OVGP1: variants seen among roughly 807,000 people sequenced by gnomAD.
The protein encoded by OVGP1 is oviduct-specific glycoprotein.
OVGP1 carries 26 observed loss-of-function variants against 48.2 expected under a neutral mutation model. That is an observed-to-expected ratio of 0.54 (90% CI 0.40 to 0.75). OVGP1 has a LOEUF of 0.75. Among genes scored for constraint, OVGP1 ranks in the 30% least tolerant of loss-of-function variants. The pLI is 0.00. For missense variants in OVGP1, 791 were observed against 820.6 expected (o/e 0.96, Z 0.44); for synonymous variants, 294 against 305.7 (o/e 0.96, Z 0.40).
chr1:111,417,283 C>T (rs1652159538), intron 9 of OVGP1, among the ~76,000 whole-genome samples: 1 of 152,184 alleles, frequency 6.6e-6, no homozygotes, highest in African/African-American at 2.4e-5. Context: ...CAGTAGAGCA[C>T]AAAATATTAT....
rs780934357 is a variant in OVGP1, at chr1:111,426,387, T to C, written c.260+50A>G. 4 of 1,612,420 alleles carry C rather than the reference T, an allele frequency of 2.5e-6. No homozygotes were observed. The East Asian group carries it at 8.9e-5, about 36-fold the overall frequency. Reference sequence around the variant, plus strand: ...TAACAGGAGAAATAGACTGTTATCTTATACCTGTGAAATCTGAAAATACAA... The same window carrying C: ...TAACAGGAGAAATAGACTGTTATCTCATACCTGTGAAATCTGAAAATACAA... On this transcript the variant is annotated intron_variant, in intron 3 of 10. Coordinates refer to ENST00000369732, the MANE Select transcript of OVGP1 (RefSeq NM_002557.4).
chr1:111,426,177 G>A (rs1034031743), intron 3 of OVGP1, among the ~76,000 whole-genome samples: 4 of 152,198 alleles, frequency 2.6e-5, no homozygotes, highest in East Asian at 1.9e-4. Context: ...CAAAGGCTGA[G>A]TTGGGTTTTG....
chr1:111,416,462 TA>T lies in OVGP1; in HGVS notation c.1021-5del, dbSNP rs570396103. The T allele has an allele frequency of 1.3e-3, 2,105 of 1,600,792 alleles. 13 individuals carry two copies. In the Middle Eastern group the frequency reaches 0.02, roughly 15 times the overall value. On this transcript the variant is annotated splice_region_variant and splice_polypyrimidine_tract_variant and intron_variant, in intron 9 of 10. Transcript: ENST00000369732. ...GCTCTCGCCTTATAAACCATGCCTG[TA>T]AAAGTAACAGTCAGTCAACCTGCTG... is the stretch of plus-strand genomic sequence containing the variant.
intron 5 of OVGP1, 21 bp downstream of exon 5, chr1:111,423,522 G>A (rs1288213218): frequency 6.2e-7 from 1 of 1,610,240 alleles, no homozygotes; most frequent in Non-Finnish European, 8.5e-7. Context: ...CTGGATTCTG[G>A]CGCTTCTAGA....
chr1:111,426,999 T>C (rs1224784660), intron 2 of OVGP1, 63 bp downstream of exon 2: 3 of 1,613,072 alleles, frequency 1.9e-6, no homozygotes, highest in Admixed American at 1.7e-5. Flanking sequence ...GGACACTCAA[T>C]GTGGAGGACT....
intron 8 of OVGP1, 66 bp downstream of exon 8, chr1:111,421,210 T>C: frequency 6.8e-7 from 1 of 1,478,248 alleles, no homozygotes; most frequent in Non-Finnish European, 9.1e-7. Flanking sequence ...CCCCTTGTCC[T>C]GGCCTTTGCT....
Position 111,427,684 on chromosome 1 carries a change from C to T in OVGP1, c.25+13G>A. On this transcript the variant is annotated intron_variant, in intron 1 of 10. Coordinates refer to ENST00000369732, the MANE Select transcript of OVGP1 (RefSeq NM_002557.4). ...CTGGACTGAGTGACACTGCTGGGAC[C>T]TGCCACACTCACCAACCCACAGCAA... 6.2e-7 allele frequency: 1 copy of T among 1,613,018 alleles called. No individual in the cohort carries two copies. Among genetic ancestry groups the T allele is most frequent in the East Asian group, 2.2e-5 (1 of 44,860 alleles).
intron 6 of OVGP1, 126 bp downstream of exon 6, chr1:111,422,801 C>T: frequency 9.1e-7 from 1 of 1,093,560 alleles, no homozygotes. Context: ...CAGCCCCAAA[C>T]TTGCACTGAC....
Position 111,423,630 on chromosome 1 carries a change from G to C in OVGP1, c.396C>G (p.Asp132Glu). The change falls in exon 5 of 11, where the codon GAC (aspartate) becomes GAG (glutamate). Residue 132 changes from aspartate to glutamate, a missense_variant. Physicochemically the swap from Asp to Glu is conservative, Grantham distance 45. Coordinates refer to ENST00000369732, the MANE Select transcript of OVGP1 (RefSeq NM_002557.4). ...AGAAGAAAAGGTCAAGACCATCAAA[G>C]TCATGTGTCCTCAGAAGGGATATAA... ...ASVISLLRTH[D>E]FDGLDLFFLY... The C allele has an allele frequency of 6.2e-7, 1 of 1,614,162 alleles. No individual in the cohort carries two copies. Among genetic ancestry groups the C allele is most frequent in the Non-Finnish European group, 8.5e-7 (1 of 1,179,984 alleles).
chr1:111,427,735 T>C lies in OVGP1; in HGVS notation c.-14A>G, dbSNP rs1375415771. 4 of 1,609,998 alleles carry C rather than the reference T, an allele frequency of 2.5e-6. No homozygotes were observed. The highest frequency in any genetic ancestry group is 1.1e-5 in the South Asian group (1 of 90,990). On this transcript the variant is annotated 5_prime_UTR_variant, in exon 1 of 11. Coordinates refer to ENST00000369732, the MANE Select transcript of OVGP1 (RefSeq NM_002557.4). ...CAGCTTCCACATCTCAATGGTCTGA[T>C]AGCTGTGAGTCCAGAGATGCAGCCC...
intron 9 of OVGP1, among the ~76,000 whole-genome samples, chr1:111,418,871 CAG>C (rs1405016064): frequency 6.6e-6 from 1 of 152,166 alleles, no homozygotes; most frequent in Non-Finnish European, 1.5e-5. Flanking sequence ...GATTCCAAAA[CAG>C]AGGCAGGTTT....
At chr1:111,418,537 C>T (rs909767085) in intron 9 of OVGP1, among the ~76,000 whole-genome samples, 2 of 152,222 alleles carry the variant, frequency 1.3e-5, no homozygotes, top group Non-Finnish European at 2.9e-5. Context: ...CCCCAAAAAA[C>T]AGCCGACACC....
At chr1:111,415,745 T>C (rs1652119913) in intron 10 of OVGP1, among the ~76,000 whole-genome samples, 1 of 152,188 alleles carries the variant, frequency 6.6e-6, no homozygotes, top group Non-Finnish European at 1.5e-5. Context: ...TGTCTCTATG[T>C]TGTAGGAGGC....
Position 111,414,466 on chromosome 1 carries a change from A to G in OVGP1, c.2035T>C (p.Ter679GlnextTer16), listed in dbSNP as rs1652067920. Residue 679 changes from the stop codon to glutamine, a stop_lost, in exon 11 of 11, where the codon TAA (stop) becomes CAA (glutamine). Transcript: ENST00000369732. ...PENSAVDEEA[*>Q] ...CTGGTTTCTGACACCAGAGGGGCTT[A>G]GGCTTCTTCATCCACAGCAGAGTTT... The G allele has an allele frequency of 1.2e-6, 2 of 1,608,776 alleles. No homozygotes were observed. The highest frequency in any genetic ancestry group is 1.7e-6 in the Non-Finnish European group (2 of 1,176,728).
chr1:111,416,517 T>A, intron 9 of OVGP1, 59 bp from the exon 10 acceptor site: 1 of 1,494,128 alleles, frequency 6.7e-7, no homozygotes, highest in Non-Finnish European at 9.1e-7. Context: ...CTGGGTACAA[T>A]GGCAAAAAAC....
At position 111,416,468 on chromosome 1, in the gene OVGP1, T is replaced by C. The variant is rs1357885583; in HGVS notation, c.1021-10A>G. The stretch of plus-strand genomic sequence containing the variant: ...GCCTTATAAACCATGCCTGTAAAAG[T>C]AACAGTCAGTCAACCTGCTGTACTT... On this transcript the variant is annotated splice_polypyrimidine_tract_variant and intron_variant, in intron 9 of 10. Transcript: ENST00000369732. 1 of 1,598,714 alleles carries C rather than the reference T, an allele frequency of 6.3e-7. No homozygotes were observed. The highest frequency in any genetic ancestry group is 8.5e-7 in the Non-Finnish European group (1 of 1,171,748).
At position 111,414,773 on chromosome 1, in the gene OVGP1, G is replaced by A. The variant is rs746047285; in HGVS notation, c.1728C>T (p.Val576=). ...RKAVAREKVT[V]PSRNISVTPE... ...GGGTGACTGATATGTTTCTGGAGGG[G>A]ACAGTCACCTTTTCACGGGCCACAG... is the stretch of plus-strand genomic sequence containing the variant. Residue 576 remains valine, a synonymous_variant, in exon 11 of 11, where the codon GTC becomes GTT. Coordinates refer to ENST00000369732, the MANE Select transcript of OVGP1 (RefSeq NM_002557.4). The A allele has an allele frequency of 6.2e-6, 10 of 1,607,662 alleles. No individual in the cohort carries two copies. In the Admixed American group the frequency reaches 8.4e-5, roughly 13 times the overall value.
chr1:111,415,914 T>C (rs935491077), intron 10 of OVGP1, among the ~76,000 whole-genome samples: 1 of 152,226 alleles, frequency 6.6e-6, no homozygotes, highest in African/African-American at 2.4e-5. Flanking sequence ...TCTTGCATGC[T>C]AGCTTCCATT....
chr1:111,423,108 G>A, intron 5 of OVGP1, 57 bp from the exon 6 acceptor site: 2 of 1,606,784 alleles, frequency 1.2e-6, no homozygotes, highest in Non-Finnish European at 1.7e-6. Context: ...GCGGGGCCTG[G>A]GGGGAGTGTC....
Sources: gnomAD v4.1 joint callset for allele counts (sites outside exome capture counted in the v4.1 genomes callset) on GRCh38, gnomAD v4.1.1 for gene constraint, MANE v1.5 for transcripts, NCBI Gene and HGNC (gene_info 2026-07-23, HGNC 2026-07-21) for gene names.